Variants in CD24 observed in about 807,000 individuals in gnomAD.
The protein encoded by CD24 is CD24 molecule.
In CD24, 2 loss-of-function variants were observed where a neutral mutation model predicts 3.6. The ratio of observed to expected loss-of-function variants is 0.56; its 90% confidence interval spans 0.23 to 1.77. The LOEUF is 1.77. Among genes scored for constraint, CD24 ranks in the 40% most tolerant of loss-of-function variants. The probability of loss-of-function intolerance (pLI) is 0.18; values close to 1 mark genes in which losing one functional copy is unlikely to be tolerated. For synonymous variants in CD24, 33 were observed against 44.9 expected, an observed-to-expected ratio of 0.74 and a Z score of 1.06; for missense variants, 62 against 93.6, an observed-to-expected ratio of 0.66 and a Z score of 1.39.
upstream of CD24, chr6:106,975,262 G>C (rs1179391760): frequency 2.0e-5 from 3 of 151,880 alleles, no homozygotes; most frequent in African/African-American, 4.8e-5. Flanking sequence ...CAGTGCGACC[G>C]CGTGGGGGGC....
At chr6:106,973,728 G>C in intron 1 of CD24, 3 of 398,554 alleles carry the variant, frequency 7.5e-6, no homozygotes, top group Non-Finnish European at 1.3e-5. Context: ...CTCTCTCGCC[G>C]GCGCGGTGCA....
At position 106,974,686 on chromosome 6, in the gene CD24, G is replaced by C; in HGVS notation, c.-40C>G. Reference sequence around the variant, plus strand: ...TGCGCGGCGCGTCTAGCAGGATGCTGGGTGCTTGGAGAACCGCTGGCTCCG... The same window carrying C: ...TGCGCGGCGCGTCTAGCAGGATGCTCGGTGCTTGGAGAACCGCTGGCTCCG... On this transcript the variant is annotated 5_prime_UTR_variant, in exon 1 of 2. Coordinates refer to ENST00000606017, the MANE Select transcript of CD24 (RefSeq NM_001359084.1). 1 of 1,486,484 alleles carries C rather than the reference G, an allele frequency of 6.7e-7. No individual in the cohort carries two copies. Among genetic ancestry groups the C allele is most frequent in the Admixed American group, 2.3e-5 (1 of 43,018 alleles). 92.1% of individuals were successfully genotyped at this position (1,486,484 alleles called of 1,614,324 possible). A position where few individuals can be genotyped will look rare whatever the true frequency, so the allele number is the denominator to read the frequency against.
At chr6:106,974,276 A>C (rs1773048348) in intron 1 of CD24, among the ~76,000 whole-genome samples, 1 of 152,170 alleles carries the variant, frequency 6.6e-6, no homozygotes, top group African/African-American at 2.4e-5. Context: ...TGAAAGTGGG[A>C]AGTAGTCACC....
chr6:106,973,844 A>G (rs1773035278), intron 1 of CD24: 2 of 398,372 alleles, frequency 5.0e-6, no homozygotes, highest in African/African-American at 4.1e-5. Context: ...CGGCGACCCG[A>G]ACAAAGCCTG....
rs1772932253 is a variant in CD24, at chr6:106,970,096, T to C, written c.*1565A>G. Reference sequence around the variant, plus strand: ...GACTACTGTGGCCATATTAGATTACTGGAACATCTAAGCATCAGTGTGTGA... The same window carrying C: ...GACTACTGTGGCCATATTAGATTACCGGAACATCTAAGCATCAGTGTGTGA... On this transcript the variant is annotated 3_prime_UTR_variant, in exon 2 of 2. Coordinates refer to ENST00000606017, the MANE Select transcript of CD24 (RefSeq NM_001359084.1). The C allele has an allele frequency of 2.0e-5, 3 of 152,624 alleles. No individual in the cohort carries two copies. Among genetic ancestry groups the C allele is most frequent in the Admixed American group, 2.0e-4 (3 of 15,282 alleles). 9.5% of individuals were successfully genotyped at this position (152,624 alleles called of 1,614,324 possible). A position where few individuals can be genotyped will look rare whatever the true frequency, so the allele number is the denominator to read the frequency against.
At chr6:106,975,341 G>C (rs1346388419), upstream of CD24, 1 of 152,030 alleles carries the variant, frequency 6.6e-6, no homozygotes, top group Non-Finnish European at 1.5e-5. Context: ...CGCGGCGGGC[G>C]TGGCGCGGAC....
intron 1 of CD24, chr6:106,973,571 G>A (rs1773027188): frequency 2.5e-6 from 1 of 398,082 alleles, no homozygotes; most frequent in African/African-American, 2.1e-5. Flanking sequence ...CAACTTTGGG[G>A]GAGAAGCCCC....
intron 1 of CD24, chr6:106,973,887 C>T: frequency 2.5e-6 from 1 of 398,576 alleles, no homozygotes; most frequent in East Asian, 3.6e-5. Context: ...TCCCACCATG[C>T]TGCCTCCCCA....
chr6:106,972,432 T>C (rs1472212153), intron 1 of CD24, among the ~76,000 whole-genome samples: 1 of 152,322 alleles, frequency 6.6e-6, no homozygotes, highest in East Asian at 1.9e-4. Flanking sequence ...ACAATATTTG[T>C]GTTAAATTGA....
intron 1 of CD24, among the ~76,000 whole-genome samples, chr6:106,972,796 G>C (rs1773006010): frequency 6.6e-6 from 1 of 152,166 alleles, no homozygotes; most frequent in Admixed American, 6.5e-5. Flanking sequence ...CGTGGCACCA[G>C]GCAAGAGTCT....
rs1251649787 is a variant in CD24, at chr6:106,971,766, C to G, written c.138G>C (p.Leu46Phe). The change falls in exon 2 of 2, where the codon TTG becomes TTC. Residue 46 changes from leucine (L) to phenylalanine (F), a missense_variant. Transcript: ENST00000606017. Reference protein sequence around the residue: ...NSSQSTSNSGLAPNPTNATTK... With the variant: ...NSSQSTSNSGFAPNPTNATTK... ...TGGTGGCATTAGTTGGATTTGGGGC[C>G]AACCCAGAGTTGGAAGTACTCTGGG... 3.2e-6 allele frequency: 5 copies of G among 1,551,428 alleles called. No homozygotes were observed. Among genetic ancestry groups the G allele is most frequent in the Non-Finnish European group, 4.4e-6 (5 of 1,146,846 alleles).
chr6:106,976,243 AT>A (rs1773106769), upstream of CD24, among the ~76,000 whole-genome samples: 1 of 152,208 alleles, frequency 6.6e-6, no homozygotes, highest in Admixed American at 6.5e-5. Context: ...TAATACTTTT[AT>A]TTAAGGTTTA....
rs1475123683 is a variant in CD24, at chr6:106,974,581, C to T, written c.66G>A (p.Thr22=). Residue 22 remains threonine (T), a synonymous_variant, in exon 1 of 2, where the codon ACG becomes ACA. Coordinates refer to ENST00000606017, the MANE Select transcript of CD24 (RefSeq NM_001359084.1). ...CCGCCGGGCGCCAGGGCCTCACCTGCGTGGGTAGGAGCAGTGCCAGCAGCA... is the reference window on the plus strand; with the variant it reads ...CCGCCGGGCGCCAGGGCCTCACCTGTGTGGGTAGGAGCAGTGCCAGCAGCA... ...GLLLLALLLP[T]QIYSSETTTG... is the part of the protein sequence containing the mutation. 1 of 1,446,610 alleles carries T rather than the reference C, an allele frequency of 6.9e-7. No homozygotes were observed. The highest frequency in any genetic ancestry group is 9.0e-7 in the Non-Finnish European group (1 of 1,109,226). The allele number at this position is 1,446,610 out of a possible 1,614,324, so 89.6% of individuals were successfully genotyped here.
At chr6:106,972,797 G>A (rs1773006148) in intron 1 of CD24, among the ~76,000 whole-genome samples, 1 of 152,128 alleles carries the variant, frequency 6.6e-6, no homozygotes, top group African/African-American at 2.4e-5. Context: ...GTGGCACCAG[G>A]CAAGAGTCTG....
Position 106,970,025 on chromosome 6 carries a change from C to A in CD24, c.*1636G>T, listed in dbSNP as rs1772930067. 6.6e-6 allele frequency: 1 copy of A among 152,576 alleles called. No homozygotes were observed. Among genetic ancestry groups the A allele is most frequent in the Non-Finnish European group, 1.5e-5 (1 of 68,044 alleles). 9.5% of individuals were successfully genotyped at this position (152,576 alleles called of 1,614,324 possible). ...TTCAAAACTGTTCGATCTGTTTGTT[C>A]CCATGTAGTTTTCTAAAGATGGAAA... On this transcript the variant is annotated 3_prime_UTR_variant, in exon 2 of 2. Coordinates refer to ENST00000606017, the MANE Select transcript of CD24 (RefSeq NM_001359084.1).
At chr6:106,973,701 C>T (rs1773030372) in intron 1 of CD24, 1 of 398,532 alleles carries the variant, frequency 2.5e-6, no homozygotes, top group African/African-American at 2.1e-5. Flanking sequence ...TAGGGTCTCC[C>T]AGGCCCAGCC....
chr6:106,974,986 T>C (rs1773073366), upstream of CD24: 1 of 149,360 alleles, frequency 6.7e-6, no homozygotes, highest in Non-Finnish European at 1.5e-5. Context: ...ACCCGGCTGG[T>C]ATCCCCGCGC....
At chr6:106,971,895 T>A in intron 1 of CD24, 61 bp from the exon 2 acceptor site, 1 of 1,081,100 alleles carries the variant, frequency 9.2e-7, no homozygotes. Context: ...CCATGTACTC[T>A]CATATAAAAT....
chr6:106,976,339 T>C (rs965135123), upstream of CD24, among the ~76,000 whole-genome samples: 33 of 152,324 alleles, frequency 2.2e-4, no homozygotes, highest in African/African-American at 7.5e-4. Flanking sequence ...CGTGGCAGTC[T>C]CATTAAAACA....
Sources: allele counts gnomAD v4.1 joint callset (sites outside exome capture counted in the v4.1 genomes callset), GRCh38; gene constraint gnomAD v4.1.1; transcripts MANE v1.5; gene names NCBI Gene and HGNC (gene_info 2026-07-23, HGNC 2026-07-21).